Variants in CREB5 observed in about 807,000 individuals in gnomAD.
CREB5 encodes the protein cyclic AMP-responsive element-binding protein 5.
A neutral mutation model predicts 57.1 loss-of-function variants in CREB5; 19 were observed. That is an observed-to-expected ratio of 0.33 (90% confidence interval 0.23 to 0.49). The LOEUF is 0.49. Among genes scored for constraint, CREB5 ranks in the 20% least tolerant of loss-of-function variants. CREB5 has a pLI of 0.99. For missense variants in CREB5, 579 were observed against 671.6 expected (o/e 0.86, Z 1.52); for synonymous variants, 238 against 238.3 (o/e 1.00, Z 0.01).
chr7:28,523,434 A>C (rs1015765688), intron 4 of CREB5, among the ~76,000 whole-genome samples: 1 of 152,172 alleles, frequency 6.6e-6, no homozygotes, highest in Admixed American at 6.5e-5. Context: ...GTCAGGAGCC[A>C]AGGCTACATT....
chr7:28,744,769 C>T (rs1562612279), intron 7 of CREB5, among the ~76,000 whole-genome samples: 1 of 152,192 alleles, frequency 6.6e-6, no homozygotes. Flanking sequence ...CAGCCCATAG[C>T]AGTTTCCTAA....
At chr7:28,511,231 G>A (rs1792689057) in intron 4 of CREB5, among the ~76,000 whole-genome samples, 1 of 151,894 alleles carries the variant, frequency 6.6e-6, no homozygotes, top group African/African-American at 2.4e-5. Context: ...TTGATGGTTA[G>A]TAGATGTGCA....
chr7:28,798,615 C>T (rs2128796454), intron 7 of CREB5, among the ~76,000 whole-genome samples: 1 of 152,278 alleles, frequency 6.6e-6, no homozygotes, highest in African/African-American at 2.4e-5. Flanking sequence ...ACCCTCCCGT[C>T]GCGGATAGTG....
At chr7:28,710,027 G>T (rs1802325495) in intron 5 of CREB5, among the ~76,000 whole-genome samples, 1 of 151,310 alleles carries the variant, frequency 6.6e-6, no homozygotes, top group Middle Eastern at 3.2e-3. Flanking sequence ...GAGTGTTCCT[G>T]AATTATCCTT....
intron 5 of CREB5, among the ~76,000 whole-genome samples, chr7:28,658,061 A>T: frequency 6.6e-6 from 1 of 152,194 alleles, no homozygotes; most frequent in East Asian, 1.9e-4. Flanking sequence ...GACCATGAGC[A>T]TCGTTTATTC....
intron 4 of CREB5, among the ~76,000 whole-genome samples, chr7:28,514,589 A>G (rs969399361): frequency 1.4e-4 from 22 of 151,806 alleles, no homozygotes; most frequent in Admixed American, 9.2e-4. Context: ...TAGAGACGGG[A>G]TTTCACCGTG....
At chr7:28,741,560 A>G (rs1804348517) in intron 7 of CREB5, among the ~76,000 whole-genome samples, 1 of 152,192 alleles carries the variant, frequency 6.6e-6, no homozygotes, top group South Asian at 2.1e-4. Flanking sequence ...TTCCTTTGAG[A>G]TAGCTCCATA....
At chr7:28,744,060 C>CCCACCTATGAGTGA (rs2128759067) in intron 7 of CREB5, among the ~76,000 whole-genome samples, 1 of 109,194 alleles carries the variant, frequency 9.2e-6, no homozygotes, top group Admixed American at 1.2e-4. Context: ...TCCATGTGAT[C>CCCACCTATGAGTGA]TCATTGTTCA....
intron 5 of CREB5, among the ~76,000 whole-genome samples, chr7:28,705,378 A>AG (rs1554288730): frequency 1.3e-4 from 5 of 37,130 alleles, no homozygotes; most frequent in South Asian, 7.8e-4. Context: ...AAAAAAAAAA[A>AG]AAAGAAAGAA....
At chr7:28,302,225 A>G (rs1785107921) in intron 1 of CREB5, among the ~76,000 whole-genome samples, 1 of 152,222 alleles carries the variant, frequency 6.6e-6, no homozygotes, top group South Asian at 2.1e-4. Context: ...GCTGCATCAC[A>G]TTAAGTATTT....
intron 1 of CREB5, among the ~76,000 whole-genome samples, chr7:28,364,707 C>T (rs2159722): frequency 0.063 from 9,653 of 152,232 alleles, 345 homozygotes; most frequent in East Asian, 0.15. Context: ...CTGCACCTAC[C>T]TTGCCAATAT....
chr7:28,672,245 G>A (rs998129905), intron 5 of CREB5, among the ~76,000 whole-genome samples: 5 of 150,720 alleles, frequency 3.3e-5, no homozygotes, highest in Non-Finnish European at 7.4e-5. Flanking sequence ...AAAGACCTGG[G>A]ATCTAGTTAA....
In CREB5 at chr7:28,440,715, C is replaced by G. The variant is rs79998732; in HGVS notation, c.3+27798C>G. On this transcript the variant is annotated intron_variant, in intron 1 of 10. Transcript: ENST00000357727. ...TGATCAAGGCTGATTCTTCCAGATA[C>G]AGGAAGATTGGAGTTCACACCATTT... 4.8e-3 allele frequency among the ~76,000 whole-genome samples: 736 copies of G among 152,288 alleles called. 3 individuals are homozygous for G. The highest frequency in any genetic ancestry group is 0.014 in the Middle Eastern group (4 of 294).
At position 28,303,124 on chromosome 7, in the gene CREB5, A is replaced by T. The variant is rs1014682659; in HGVS notation, c.-25+3683A>T. On this transcript the variant is annotated intron_variant, in intron 1 of 9. Coordinates refer to the CREB5 transcript ENST00000396299. ...GCCATTGCACTCCAGCCTGGGCAAC[A>T]AGAGCAAAACTCCATCTCAAAAAAA... 3.1e-4 allele frequency among the ~76,000 whole-genome samples: 45 copies of T among 147,016 alleles called. 1 individual carries two copies. The highest frequency in any genetic ancestry group is 4.5e-5 in the Non-Finnish European group (3 of 66,688).
intron 5 of CREB5, among the ~76,000 whole-genome samples, chr7:28,688,704 T>C (rs555447112): frequency 6.6e-6 from 1 of 152,270 alleles, no homozygotes; most frequent in South Asian, 2.1e-4. Context: ...CCCAGCTCAA[T>C]TGCGCACAGG....
intron 5 of CREB5, among the ~76,000 whole-genome samples, chr7:28,612,894 T>C (rs1797449753): frequency 6.6e-6 from 1 of 152,168 alleles, no homozygotes; most frequent in African/African-American, 2.4e-5. Context: ...CCATTATTGT[T>C]TAATGGCATT....
chr7:28,814,064 G>A (rs1230746796), intron 9 of CREB5, among the ~76,000 whole-genome samples: 1 of 152,158 alleles, frequency 6.6e-6, no homozygotes, highest in African/African-American at 2.4e-5. Context: ...AATGCCTCCA[G>A]AAGGCCTGGT....
intron 1 of CREB5, among the ~76,000 whole-genome samples, chr7:28,372,430 C>T (rs1022698144): frequency 6.6e-6 from 1 of 152,114 alleles, no homozygotes; most frequent in Non-Finnish European, 1.5e-5. Flanking sequence ...AAAGTCCTTC[C>T]TTGTGTGTTA....
chr7:28,488,086 A>G, intron 1 of CREB5, 89 bp from the exon 2 acceptor site: 1 of 1,151,604 alleles, frequency 8.7e-7, no homozygotes, highest in Non-Finnish European at 1.3e-6. Flanking sequence ...GGGGGCTCTG[A>G]GTGATTGCCT....
Sources: allele counts gnomAD v4.1 joint callset (sites outside exome capture counted in the v4.1 genomes callset), GRCh38; gene constraint gnomAD v4.1.1; transcripts MANE v1.5; gene names NCBI Gene and HGNC (gene_info 2026-07-23, HGNC 2026-07-21).